DDX10: variants seen among roughly 807,000 people sequenced by gnomAD.
The protein encoded by DDX10 is DEAD-box helicase 10, also known as probable ATP-dependent RNA helicase DDX10.
A neutral mutation model predicts 104.3 loss-of-function variants in DDX10; 74 were observed. The observed-to-expected ratio is 0.71, with a 90% CI of 0.59 to 0.86. DDX10 has a LOEUF of 0.86. Among genes scored for constraint, DDX10 ranks in the 40% least tolerant of loss-of-function variants. The pLI is 0.00. For synonymous variants in DDX10, 351 were observed against 353.4 expected, an observed-to-expected ratio of 0.99 and a Z score of 0.08; for missense variants, 952 against 1,040.0, an observed-to-expected ratio of 0.92 and a Z score of 1.16.
intron 13 of DDX10, among the ~76,000 whole-genome samples, chr11:108,804,917 A>G (rs984387710): frequency 6.6e-6 from 1 of 152,170 alleles, no homozygotes; most frequent in Non-Finnish European, 1.5e-5. Flanking sequence ...TTTCCATATA[A>G]TGTTGCTTAA....
chr11:108,679,337 A>C, intron 5 of DDX10, 34 bp from the exon 6 acceptor site: 1 of 1,542,278 alleles, frequency 6.5e-7, no homozygotes. Flanking sequence ...TATATTTTAC[A>C]TATGATAGTT....
chr11:108,853,132 T>C (rs1279540876), intron 16 of DDX10, among the ~76,000 whole-genome samples: 1 of 152,096 alleles, frequency 6.6e-6, no homozygotes, highest in African/African-American at 2.4e-5. Flanking sequence ...TAAATATCAC[T>C]CTGTCTTCAA....
chr11:108,816,047 CT>C (rs200856925), intron 13 of DDX10, among the ~76,000 whole-genome samples: 223 of 145,542 alleles, frequency 1.5e-3, no homozygotes, highest in Admixed American at 1.7e-3. Flanking sequence ...CTCCTAGCAA[CT>C]TTTTTTTTTT....
intron 16 of DDX10, among the ~76,000 whole-genome samples, chr11:108,907,225 G>A (rs1863607774): frequency 6.6e-6 from 1 of 152,190 alleles, no homozygotes; most frequent in Admixed American, 6.5e-5. Context: ...TTGTGTAAGT[G>A]CTACTTTATT....
intron 13 of DDX10, among the ~76,000 whole-genome samples, chr11:108,728,917 G>A (rs2094308591): frequency 6.6e-6 from 1 of 151,986 alleles, no homozygotes; most frequent in Non-Finnish European, 1.5e-5. Context: ...TGCCTAATAT[G>A]CCATTAACCT....
intron 8 of DDX10, among the ~76,000 whole-genome samples, chr11:108,693,075 T>G (rs527767436): frequency 6.6e-6 from 1 of 152,236 alleles, no homozygotes; most frequent in African/African-American, 2.4e-5. Flanking sequence ...GGCCCCAGTG[T>G]GTGATGTTCC....
chr11:108,696,915 G>T (rs1326907894), intron 9 of DDX10, among the ~76,000 whole-genome samples: 1 of 152,076 alleles, frequency 6.6e-6, no homozygotes, highest in Non-Finnish European at 1.5e-5. Context: ...AAAGATTCTA[G>T]AGGGGGGAAT....
intron 13 of DDX10, among the ~76,000 whole-genome samples, chr11:108,820,158 C>T (rs1345692067): frequency 2.6e-5 from 4 of 152,036 alleles, no homozygotes; most frequent in East Asian, 3.9e-4. Flanking sequence ...GTGGTTGTGC[C>T]GAGTAAATGA....
chr11:108,862,838 T>A (rs532249093), intron 16 of DDX10, among the ~76,000 whole-genome samples: 1 of 152,146 alleles, frequency 6.6e-6, no homozygotes, highest in Non-Finnish European at 1.5e-5. Flanking sequence ...AGCTATTGAA[T>A]TGGCATTTAT....
At chr11:108,755,243 A>G (rs2094343123) in intron 13 of DDX10, among the ~76,000 whole-genome samples, 1 of 152,078 alleles carries the variant, frequency 6.6e-6, no homozygotes, top group African/African-American at 2.4e-5. Flanking sequence ...AAGCAAGAAC[A>G]CAAATCCTTC....
chr11:108,892,605 A>G (rs537133325), intron 16 of DDX10, among the ~76,000 whole-genome samples: 8 of 152,282 alleles, frequency 5.3e-5, no homozygotes, highest in South Asian at 2.1e-4. Flanking sequence ...ATTATCCTAC[A>G]TATATATTAT....
At chr11:108,807,631 A>C (rs553290522) in intron 13 of DDX10, among the ~76,000 whole-genome samples, 28 of 152,204 alleles carry the variant, frequency 1.8e-4, no homozygotes, top group Non-Finnish European at 2.6e-4. Context: ...ATATTTGTGG[A>C]GAAGATAGTG....
At chr11:108,830,752 C>T (rs1862458214) in intron 13 of DDX10, among the ~76,000 whole-genome samples, 1 of 152,078 alleles carries the variant, frequency 6.6e-6, no homozygotes, top group Non-Finnish European at 1.5e-5. Context: ...TTAGGATTTT[C>T]ATCATAAAGG....
chr11:108,896,933 T>A (rs1343297786), intron 16 of DDX10, among the ~76,000 whole-genome samples: 5 of 151,752 alleles, frequency 3.3e-5, no homozygotes, highest in South Asian at 2.1e-4. Context: ...TTTTTTTTTT[T>A]AAGAAAAAAA....
At chr11:108,889,517 CT>C (rs1179711380) in intron 16 of DDX10, among the ~76,000 whole-genome samples, 6 of 151,828 alleles carry the variant, frequency 4.0e-5, no homozygotes, top group Admixed American at 1.3e-4. Flanking sequence ...CAAATGTTAA[CT>C]TTTTTTTGCT....
chr11:108,817,538 A>G (rs930250308), intron 13 of DDX10, among the ~76,000 whole-genome samples: 15 of 152,108 alleles, frequency 9.9e-5, no homozygotes, highest in Non-Finnish European at 4.4e-5. Flanking sequence ...CTTTGTCTCT[A>G]ACACTTAAAA....
chr11:108,692,808 C>T (rs543716103), intron 8 of DDX10, among the ~76,000 whole-genome samples: 2 of 151,582 alleles, frequency 1.3e-5, no homozygotes, highest in Admixed American at 6.6e-5. Context: ...ACTACAGCCT[C>T]GATCTACCAG....
chr11:108,798,419 A>C (rs1271697128), intron 13 of DDX10, among the ~76,000 whole-genome samples: 1 of 152,300 alleles, frequency 6.6e-6, no homozygotes, highest in East Asian at 1.9e-4. Flanking sequence ...CTGCAACTCT[A>C]TACCTTTTAA....
At chr11:108,749,900 T>G (rs2094336350) in intron 13 of DDX10, among the ~76,000 whole-genome samples, 1 of 152,204 alleles carries the variant, frequency 6.6e-6, no homozygotes, top group African/African-American at 2.4e-5. Context: ...TTTTTGGCAC[T>G]TCTAGTATGA....
Sources: gnomAD v4.1 joint callset for allele counts (sites outside exome capture counted in the v4.1 genomes callset) on GRCh38, gnomAD v4.1.1 for gene constraint, MANE v1.5 for transcripts, NCBI Gene and HGNC (gene_info 2026-07-23, HGNC 2026-07-21) for gene names.